TSPEAR: variants seen among roughly 807,000 people sequenced by gnomAD.
The protein encoded by TSPEAR is thrombospondin-type laminin G domain and EAR repeat-containing protein.
A neutral mutation model predicts 71.6 loss-of-function variants in TSPEAR; 69 were observed. That is an observed-to-expected ratio of 0.96 (90% CI 0.79 to 1.18). TSPEAR has a LOEUF of 1.18. Among genes scored for constraint, TSPEAR ranks in the 50% most tolerant of loss-of-function variants. The pLI is 0.00. For synonymous variants in TSPEAR, 402 were observed against 387.2 expected (o/e 1.04, Z -0.45); for missense variants, 971 against 894.9 (o/e 1.09, Z -1.09).
At position 44,580,268 on chromosome 21, in the gene TSPEAR, G is replaced by A. The variant is rs782542040; in HGVS notation, c.83-12263C>T. The stretch of plus-strand genomic sequence containing the variant: ...CTGGCAGCATGAAGAGGAATCCTTA[G>A]AGCAGGTGGGCAGGCAGCACACAGG... On this transcript the variant is annotated intron_variant, in intron 1 of 11. Transcript: ENST00000323084. The A allele has an allele frequency of 9.9e-6, 16 of 1,611,996 alleles. No homozygotes were observed. In the East Asian group the frequency reaches 2.9e-4, roughly 29 times the overall value.
intron 1 of TSPEAR, among the ~76,000 whole-genome samples, chr21:44,654,016 TATG>T (rs1569242655): frequency 1.3e-5 from 2 of 152,202 alleles, no homozygotes; most frequent in African/African-American, 2.4e-5. Flanking sequence ...ATCTGGTATT[TATG>T]ATATTTGCAA....
At position 44,612,829 on chromosome 21, in the gene TSPEAR, C is replaced by G; in HGVS notation, c.83-44824G>C. Reference sequence around the variant, plus strand: ...GCCAGCCCAGCTGCTGCCACCCGGCCTCCTGCCTGTCCTTCCTCTGCCGCC... The same window carrying G: ...GCCAGCCCAGCTGCTGCCACCCGGCGTCCTGCCTGTCCTTCCTCTGCCGCC... On this transcript the variant is annotated intron_variant, in intron 1 of 11. Coordinates refer to ENST00000323084, the MANE Select transcript of TSPEAR (RefSeq NM_144991.3). This position sits in a 1 kb window ranked among gnomAD's most constrained non-coding sequence, Gnocchi z 4.1. 6.2e-7 allele frequency: 1 copy of G among 1,612,926 alleles called. No individual in the cohort carries two copies.
chr21:44,556,585 CAGG>C (rs782107686), intron 2 of TSPEAR, among the ~76,000 whole-genome samples: 1 of 152,086 alleles, frequency 6.6e-6, no homozygotes, highest in Non-Finnish European at 1.5e-5. Flanking sequence ...CCCAGCTACT[CAGG>C]AGGAGAGGCA....
chr21:44,608,494 A>G (rs1981453659), intron 1 of TSPEAR, among the ~76,000 whole-genome samples: 1 of 152,234 alleles, frequency 6.6e-6, no homozygotes, highest in South Asian at 2.1e-4. Flanking sequence ...TTGAACGTTC[A>G]CTGACACACT....
At chr21:44,515,102 C>T (rs2052521108) in intron 9 of TSPEAR, among the ~76,000 whole-genome samples, 1 of 152,230 alleles carries the variant, frequency 6.6e-6, no homozygotes, top group Non-Finnish European at 1.5e-5. Flanking sequence ...ATCTCGGCTT[C>T]ACCCGCTTCA....
At chr21:44,504,145 A>G (rs1569148460) in intron 11 of TSPEAR, among the ~76,000 whole-genome samples, 1 of 131,476 alleles carries the variant, frequency 7.6e-6, no homozygotes, top group East Asian at 2.5e-4. Flanking sequence ...GTGAGCCCAC[A>G]GTGGGGAAGC....
At chr21:44,573,601 C>T (rs1243018598) in intron 1 of TSPEAR, 2 of 1,260,524 alleles carry the variant, frequency 1.6e-6, no homozygotes, top group South Asian at 1.5e-5. Flanking sequence ...GCTGGCTGTA[C>T]ACCCCAACAA....
intron 1 of TSPEAR, among the ~76,000 whole-genome samples, chr21:44,650,256 C>A (rs1984697936): frequency 6.6e-6 from 1 of 152,136 alleles, no homozygotes; most frequent in African/African-American, 2.4e-5. Context: ...GGATGCTGAT[C>A]CCTCATACTG....
chr21:44,666,197 G>A (rs1985747258), intron 1 of TSPEAR: 5 of 500,100 alleles, frequency 1.0e-5, no homozygotes, highest in African/African-American at 9.5e-5. Context: ...GCTGCATGGG[G>A]AAAGCTGGTT....
intron 2 of TSPEAR, chr21:44,539,419 G>C: frequency 6.2e-7 from 1 of 1,602,864 alleles, no homozygotes; most frequent in South Asian, 1.1e-5. Flanking sequence ...CAGGCATACA[G>C]CAGGCGGGCC....
At chr21:44,613,044 A>C in intron 1 of TSPEAR, 1 of 1,027,804 alleles carries the variant, frequency 9.7e-7, no homozygotes, top group Non-Finnish European at 1.4e-6. Flanking sequence ...AGGAGCCTCC[A>C]TCCTCACTGC....
chr21:44,689,737 ATATT>A (rs1987043380), intron 1 of TSPEAR, among the ~76,000 whole-genome samples: 1 of 127,154 alleles, frequency 7.9e-6, no homozygotes, highest in South Asian at 2.5e-4. Context: ...ATATATATAT[ATATT>A]TTGGGGGGGG....
intron 1 of TSPEAR, chr21:44,697,435 C>A: frequency 6.2e-7 from 1 of 1,614,040 alleles, no homozygotes; most frequent in South Asian, 1.1e-5. Flanking sequence ...GCTGCACCAG[C>A]TCCTGCACGC....
At chr21:44,600,436 C>A (rs1555928295) in intron 1 of TSPEAR, among the ~76,000 whole-genome samples, 2 of 152,172 alleles carry the variant, frequency 1.3e-5, no homozygotes, top group Non-Finnish European at 2.9e-5. Context: ...GAAACTCGCA[C>A]TAATAAGCGT....
chr21:44,631,992 C>T (rs587735421), intron 1 of TSPEAR, among the ~76,000 whole-genome samples: 5 of 152,190 alleles, frequency 3.3e-5, no homozygotes, highest in Non-Finnish European at 2.9e-5. Context: ...GTTTTGAAGA[C>T]GGATGGTGGC....
chr21:44,640,637 A>C (rs1983972390), intron 1 of TSPEAR, among the ~76,000 whole-genome samples: 1 of 152,272 alleles, frequency 6.6e-6, no homozygotes, highest in African/African-American at 2.4e-5. Flanking sequence ...CCAGATAAAA[A>C]TGAATGGCGC....
chr21:44,664,475 C>T lies in TSPEAR; in HGVS notation c.82+46958G>A, dbSNP rs145948592. ...CCATGTTATGGATTGCTGGATATGT[C>T]GACTCTCCCCAAATTGATCTATATA... On this transcript the variant is annotated intron_variant, in intron 1 of 11. Coordinates refer to ENST00000323084, the MANE Select transcript of TSPEAR (RefSeq NM_144991.3). Among the ~76,000 whole-genome samples the T allele has an allele frequency of 4.2e-4, 64 of 152,208 alleles. 2 individuals carry two copies. The East Asian group carries it at 0.011, about 26-fold the overall frequency.
chr21:44,550,186 C>T (rs1366312810), intron 2 of TSPEAR, among the ~76,000 whole-genome samples: 3 of 152,218 alleles, frequency 2.0e-5, no homozygotes, highest in South Asian at 2.1e-4. Context: ...GGGAGCCGGA[C>T]AGCAGAACGT....
At chr21:44,632,126 C>G (rs1233168491) in intron 1 of TSPEAR, among the ~76,000 whole-genome samples, 1 of 151,856 alleles carries the variant, frequency 6.6e-6, no homozygotes, top group African/African-American at 2.4e-5. Context: ...TGACCAAAAA[C>G]TTCCCAAATA....
Sources: allele counts gnomAD v4.1 joint callset (sites outside exome capture counted in the v4.1 genomes callset), GRCh38; gene constraint gnomAD v4.1.1; non-coding constraint Gnocchi (gnomAD v3.1); transcripts MANE v1.5; gene names NCBI Gene and HGNC (gene_info 2026-07-23, HGNC 2026-07-21).